Variants in MYO1A observed in about 807,000 individuals in gnomAD.
MYO1A encodes the protein unconventional myosin-Ia.
MYO1A carries 127 observed loss-of-function variants against 138.5 expected under a neutral mutation model. That is an observed-to-expected ratio of 0.92 (90% CI 0.79 to 1.06). The LOEUF (loss-of-function observed/expected upper bound fraction) is 1.06, where lower values mean the gene tolerates loss of function less well. MYO1A is among the 50% of genes least tolerant of loss of function. MYO1A has a pLI of 0.00. For missense variants in MYO1A, 1,211 were observed against 1,288.8 expected (o/e 0.94, Z 0.92); for synonymous variants, 477 against 497.5 (o/e 0.96, Z 0.55).
chr12:57,043,559 A>C (rs80200151), intron 10 of MYO1A, among the ~76,000 whole-genome samples: 120 of 152,310 alleles, frequency 7.9e-4, no homozygotes, highest in Middle Eastern at 3.4e-3. Context: ...GGCATTTTGC[A>C]TGTATCATCT....
chr12:57,039,362 C>A (rs1208334939), intron 14 of MYO1A, 88 bp from the exon 15 acceptor site: 3 of 973,028 alleles, frequency 3.1e-6, no homozygotes, highest in East Asian at 4.8e-5. Flanking sequence ...ACCCACCCAA[C>A]AAAGGACATC....
At chr12:57,032,266 A>AT (rs1244058839) in intron 22 of MYO1A, among the ~76,000 whole-genome samples, 4 of 151,718 alleles carry the variant, frequency 2.6e-5, no homozygotes, top group East Asian at 1.9e-4. Context: ...CAGGTCTCAC[A>AT]TTTTTTTTCA....
At chr12:57,038,685 A>G in intron 16 of MYO1A, 47 bp from the exon 17 acceptor site, 3 of 1,610,566 alleles carry the variant, frequency 1.9e-6, no homozygotes, top group Non-Finnish European at 2.5e-6. Context: ...ACCTTGTCCC[A>G]GCACTTGGCC....
Position 57,029,485 on chromosome 12 carries a change from C to A in MYO1A, c.2827G>T (p.Val943Leu). ...CCATCCTTGAGGCTGGTGACTGACA[C>A]CCCAGCCACATTGTCTAGCCCAATG... ...IVIGLDNVAG[V>L]SVTSLKDGLF... The change falls in exon 26 of 28, where the codon GTG becomes TTG. Residue 943 changes from valine (V) to leucine (L), a missense_variant. Coordinates refer to ENST00000300119, the MANE Select transcript of MYO1A (RefSeq NM_005379.4). The A allele has an allele frequency of 1.2e-6, 2 of 1,614,226 alleles. No individual in the cohort carries two copies. The highest frequency in any genetic ancestry group is 1.7e-6 in the Non-Finnish European group (2 of 1,180,044).
At position 57,047,100 on chromosome 12, in the gene MYO1A, G is replaced by A. The variant is rs2031134751; in HGVS notation, c.438C>T (p.Gly146=). 6.2e-7 allele frequency: 1 copy of A among 1,613,990 alleles called. No individual in the cohort carries two copies. ...TGTTGTTGCGAATGGTCTTGGCATT[G>A]CCAAAAGCTACAGAGATGAGGAGGG... The part of the protein sequence containing the change: ...LQSNPVLEAF[G]NAKTIRNNNS... Residue 146 remains glycine (G), a synonymous_variant, in exon 6 of 28, where the codon GGC becomes GGT. Coordinates refer to ENST00000300119, the MANE Select transcript of MYO1A (RefSeq NM_005379.4).
chr12:57,041,812 A>G (rs2030873381), intron 12 of MYO1A, among the ~76,000 whole-genome samples: 1 of 152,208 alleles, frequency 6.6e-6, no homozygotes, highest in Middle Eastern at 3.2e-3. Flanking sequence ...AAAAGATTCC[A>G]TGTCTTTATT....
intron 7 of MYO1A, 52 bp downstream of exon 7, chr12:57,046,811 G>A (rs2031113988): frequency 6.3e-7 from 1 of 1,582,310 alleles, no homozygotes; most frequent in Non-Finnish European, 8.7e-7. Context: ...TAGCAGAAAG[G>A]GCCATGGGAG....
chr12:57,047,618 G>C lies in MYO1A; in HGVS notation c.325+9C>G, dbSNP rs774748687. On this transcript the variant is annotated intron_variant, in intron 4 of 27. Coordinates refer to ENST00000300119, the MANE Select transcript of MYO1A (RefSeq NM_005379.4). ...TGACTCCATGTGTTCCCCCAGCCAG[G>C]GGCCTCACCAGTCTTCCCTGATCCA... The C allele has an allele frequency of 8.7e-6, 14 of 1,613,936 alleles. No homozygotes were observed. In the East Asian group the frequency reaches 2.7e-4, roughly 31 times the overall value.
At chr12:57,039,359 C>G in intron 14 of MYO1A, 85 bp from the exon 15 acceptor site, 1 of 987,186 alleles carries the variant, frequency 1.0e-6, no homozygotes, top group South Asian at 1.3e-5. Flanking sequence ...TTCACCCACC[C>G]AACAAAGGAC....
rs1345943980 is a variant in MYO1A at position 57,029,278 on chromosome 12, T to C, written c.2878-19A>G. The C allele has an allele frequency of 4.3e-6, 7 of 1,613,498 alleles. No homozygotes were observed. The African/African-American group carries it at 5.3e-5, about 12-fold the overall frequency. Reference sequence around the variant, plus strand: ...ATGACATCTTAGGAAGAGGGAAAAATAGCAGGAAAGGGATTCATTTTTTCT... The same window carrying C: ...ATGACATCTTAGGAAGAGGGAAAAACAGCAGGAAAGGGATTCATTTTTTCT... On this transcript the variant is annotated intron_variant, in intron 26 of 27. Transcript: ENST00000300119.
Position 57,036,812 on chromosome 12 carries a change from G to A in MYO1A, c.2234C>T (p.Ala745Val). ...AAAAGCCTGGATCAATAACACGGAT[G>A]CCTTTATCTTCCCATAGCATTTCTT... The part of the protein sequence containing the change: ...MQKKCYGKIK[A>V]SVLLIQAFVR... Residue 745 changes from alanine to valine, a missense_variant, in exon 21 of 28, where the codon GCA becomes GTA. By Grantham distance (64) the Ala-to-Val change is moderately conservative. Coordinates refer to ENST00000300119, the MANE Select transcript of MYO1A (RefSeq NM_005379.4). 1 of 1,614,216 alleles carries A rather than the reference G, an allele frequency of 6.2e-7. No individual in the cohort carries two copies. Among genetic ancestry groups the A allele is most frequent in the Non-Finnish European group, 8.5e-7 (1 of 1,180,038 alleles).
chr12:57,047,881 A>C, intron 3 of MYO1A, 108 bp downstream of exon 3: 5 of 1,560,864 alleles, frequency 3.2e-6, no homozygotes, highest in Non-Finnish European at 4.3e-6. Flanking sequence ...CCAGGGAAGG[A>C]AGGGGCAGCT....
Position 57,036,829 on chromosome 12 carries a change from G to A in MYO1A, c.2217C>T (p.Cys739=). 6.2e-7 allele frequency: 1 copy of A among 1,614,170 alleles called. No homozygotes were observed. Among genetic ancestry groups the A allele is most frequent in the Non-Finnish European group, 8.5e-7 (1 of 1,180,038 alleles). The part of the protein sequence containing the change: ...SWFRGNMQKK[C]YGKIKASVLL... ...ACACGGATGCCTTTATCTTCCCATA[G>A]CATTTCTTTTGCTGTAGAAAACATA... Residue 739 remains cysteine (C), a synonymous_variant, in exon 21 of 28, where the codon TGC becomes TGT. Transcript: ENST00000300119.
At chr12:57,047,496 A>G in intron 4 of MYO1A, 89 bp from the exon 5 acceptor site, 1 of 1,497,462 alleles carries the variant, frequency 6.7e-7, no homozygotes, top group Non-Finnish European at 9.3e-7. Context: ...GTGCCTCACC[A>G]CCCCTTGGAG....
At chr12:57,043,761 G>A (rs1218396257) in intron 10 of MYO1A, 95 bp downstream of exon 10, 2 of 1,537,420 alleles carry the variant, frequency 1.3e-6, no homozygotes, top group Admixed American at 1.8e-5. Context: ...ACTGCATCAG[G>A]GTGAGATCAA....
In MYO1A at chr12:57,030,284, C is replaced by T. The variant is rs2030213274; in HGVS notation, c.2517G>A (p.Lys839=). Residue 839 remains lysine, a synonymous_variant, in exon 24 of 28, where the codon AAG becomes AAA. Transcript: ENST00000300119. ...GCTTTTCCCTCAGGATCTCTACCTG[C>T]TTCGGGGACAGCTGATCCCGGAACC... ...CKRFRDQLSP[K]QVEILREKLC... The T allele has an allele frequency of 3.1e-6, 5 of 1,613,650 alleles. No individual in the cohort carries two copies. The highest frequency in any genetic ancestry group is 2.2e-5 in the East Asian group (1 of 44,872).
intron 24 of MYO1A, 64 bp from the exon 25 acceptor site, chr12:57,029,936 T>C: frequency 6.2e-7 from 1 of 1,612,188 alleles, no homozygotes; most frequent in Non-Finnish European, 8.5e-7. Flanking sequence ...ACCCCCAGAG[T>C]TCCCATCCTA....
Position 57,043,071 on chromosome 12 carries a change from C to T in MYO1A, c.1098+1G>A, listed in dbSNP as rs779977019. On this transcript the variant is annotated splice_donor_variant, in intron 12 of 27. Coordinates refer to ENST00000300119, the MANE Select transcript of MYO1A (RefSeq NM_005379.4). LOFTEE classifies it high-confidence loss of function. The stretch of plus-strand genomic sequence containing the variant: ...ATGGAGAAAGCAGAGCGGCCACTTG[C>T]CTTGATGCTCTCATTGATTCGATTC... 8 of 1,614,006 alleles carry T rather than the reference C, an allele frequency of 5.0e-6. No homozygotes were observed. In the East Asian group the frequency reaches 8.9e-5, roughly 18 times the overall value.
At chr12:57,038,664 G>A in intron 16 of MYO1A, 26 bp from the exon 17 acceptor site, 1 of 1,613,152 alleles carries the variant, frequency 6.2e-7, no homozygotes. Context: ...TATTGGTTTG[G>A]AGACCCCACA....
Sources: allele counts gnomAD v4.1 joint callset (sites outside exome capture counted in the v4.1 genomes callset), GRCh38; gene constraint gnomAD v4.1.1; transcripts MANE v1.5; gene names NCBI Gene and HGNC (gene_info 2026-07-23, HGNC 2026-07-21).